Variants in DLG5 observed in about 807,000 individuals in gnomAD.
The protein encoded by DLG5 is disks large homolog 5.
In DLG5, 48 loss-of-function variants were observed where a neutral mutation model predicts 189.8. That is an observed-to-expected ratio of 0.25 (90% CI 0.20 to 0.32). The LOEUF is 0.32. DLG5 is among the 10% of genes least tolerant of loss of function. DLG5 has a pLI of 1.00. For missense variants in DLG5, 2,160 were observed against 2,544.7 expected (o/e 0.85, Z 3.25); for synonymous variants, 1,016 against 1,054.1 (o/e 0.96, Z 0.70).
chr10:77,833,698 C>T (rs1842984393), intron 9 of DLG5, among the ~76,000 whole-genome samples: 1 of 152,198 alleles, frequency 6.6e-6, no homozygotes, highest in Non-Finnish European at 1.5e-5. Context: ...AATTTTTGGC[C>T]TAAGAATTTC....
intron 26 of DLG5, chr10:77,806,310 A>C: frequency 4.4e-6 from 1 of 226,524 alleles, no homozygotes; most frequent in Non-Finnish European, 8.7e-6. Context: ...TATCAAAAGT[A>C]AAGTAGTGGC....
At chr10:77,825,170 A>G (rs573689903) in intron 13 of DLG5, among the ~76,000 whole-genome samples, 25 of 152,288 alleles carry the variant, frequency 1.6e-4, no homozygotes, top group African/African-American at 6.0e-4. Flanking sequence ...CACATACTAT[A>G]TGATTCCATG....
intron 7 of DLG5, among the ~76,000 whole-genome samples, chr10:77,838,477 G>A (rs555097083): frequency 6.6e-6 from 1 of 152,270 alleles, no homozygotes; most frequent in South Asian, 2.1e-4. Context: ...AGAAGAAGGC[G>A]AGGGAGGCAA....
rs1844539343 is a variant in DLG5, at chr10:77,863,148, G to T, written c.373+5981C>A. ...GCTCTGTCACCCAGGCTAGAGTGCA[G>T]TGACACAATCAAGGCTCACTACAAC... On this transcript the variant is annotated intron_variant, in intron 2 of 31. Transcript: ENST00000372391. Among the ~76,000 whole-genome samples, 4 of 152,202 alleles carry T rather than the reference G, an allele frequency of 2.6e-5. No homozygotes were observed. The South Asian group carries it at 8.3e-4, about 32-fold the overall frequency.
Position 77,853,341 on chromosome 10 carries a change from G to T in DLG5, c.864+13C>A. 1 of 1,501,262 alleles carries T rather than the reference G, an allele frequency of 6.7e-7. No individual in the cohort carries two copies. Among genetic ancestry groups the T allele is most frequent in the Admixed American group, 2.0e-5 (1 of 49,028 alleles). 93.0% of individuals were successfully genotyped at this position (1,501,262 alleles called of 1,614,324 possible). A position where few individuals can be genotyped will look rare whatever the true frequency, so the allele number is the denominator to read the frequency against. ...CTTGGGAGAAATGGCCAGTCTCCAG[G>T]GGCTGGGCCTACCTGCTGCTGCTGG... On this transcript the variant is annotated intron_variant, in intron 5 of 31. Coordinates refer to ENST00000372391, the MANE Select transcript of DLG5 (RefSeq NM_004747.4).
At position 77,829,327 on chromosome 10, in the gene DLG5, C is replaced by T. The variant is rs1174770493; in HGVS notation, c.2185+28G>A. ...AAAAAAGGGCCCCAGCCACCTGAGG[C>T]ACTCTGCCATGTTCACAGGCCCGCT... On this transcript the variant is annotated intron_variant, in intron 12 of 31. Transcript: ENST00000372391. The T allele has an allele frequency of 1.9e-6, 3 of 1,612,666 alleles. No homozygotes were observed. In the South Asian group the frequency reaches 3.3e-5, roughly 18 times the overall value.
At chr10:77,842,723 C>T (rs993234498) in intron 6 of DLG5, among the ~76,000 whole-genome samples, 6 of 152,184 alleles carry the variant, frequency 3.9e-5, no homozygotes, top group African/African-American at 9.7e-5. Flanking sequence ...CCATAGACAC[C>T]GGTTCTGCAT....
intron 1 of DLG5, among the ~76,000 whole-genome samples, chr10:77,911,289 T>G (rs1340170349): frequency 3.9e-5 from 6 of 151,918 alleles, no homozygotes; most frequent in Admixed American, 6.6e-5. Flanking sequence ...CACAGCTAAT[T>G]TTTGTATTTT....
intron 9 of DLG5, 105 bp from the exon 10 acceptor site, chr10:77,830,978 G>A: frequency 1.5e-6 from 2 of 1,353,520 alleles, no homozygotes; most frequent in Non-Finnish European, 2.0e-6. Context: ...CAGCTAAAAT[G>A]GGTTCCTTTC....
At chr10:77,816,325 T>C (rs747166730) in intron 20 of DLG5, 1 of 710,464 alleles carries the variant, frequency 1.4e-6, no homozygotes, top group Non-Finnish European at 2.5e-6. Context: ...ATTTCCAGCA[T>C]CATCTACTGT....
chr10:77,798,156 C>A (rs1439757538), intron 27 of DLG5, among the ~76,000 whole-genome samples: 1 of 152,190 alleles, frequency 6.6e-6, no homozygotes, highest in African/African-American at 2.4e-5. Flanking sequence ...CACTGTACTC[C>A]AGCCTGGGCA....
rs7913080 is a variant in DLG5 at position 77,909,132 on chromosome 10, T to C, written c.304+17085A>G. 3.0e-3 allele frequency among the ~76,000 whole-genome samples: 462 copies of C among 152,290 alleles called. 5 individuals carry two copies. The highest frequency in any genetic ancestry group is 0.01 in the African/African-American group (436 of 41,556). On this transcript the variant is annotated intron_variant, in intron 1 of 31. Transcript: ENST00000372391. ...AGTGACCAGGTACTTGCTGGAGAGA[T>C]AGACAGATAAACTCTTGTCAGAATC...
At chr10:77,847,768 G>A (rs1843765184) in intron 5 of DLG5, among the ~76,000 whole-genome samples, 7 of 152,072 alleles carry the variant, frequency 4.6e-5, no homozygotes. Context: ...TAAAATTAAA[G>A]TGATCACAGT....
At chr10:77,871,102 T>A (rs182601390) in intron 1 of DLG5, among the ~76,000 whole-genome samples, 5 of 152,314 alleles carry the variant, frequency 3.3e-5, no homozygotes, top group Non-Finnish European at 7.3e-5. Flanking sequence ...GCGTTGAGCA[T>A]GGGCTGAAGA....
intron 13 of DLG5, among the ~76,000 whole-genome samples, chr10:77,825,144 G>A (rs1381407985): frequency 6.6e-6 from 1 of 152,050 alleles, no homozygotes; most frequent in Non-Finnish European, 1.5e-5. Flanking sequence ...AATCAAAACA[G>A]CCCAGCTCCA....
the DLG5 span, among the ~76,000 whole-genome samples, chr10:77,937,101 A>G: frequency 1.3e-5 from 2 of 152,064 alleles, no homozygotes; most frequent in Admixed American, 6.5e-5. Context: ...CAATTCCTCA[A>G]GAATATTCAC....
intron 2 of DLG5, among the ~76,000 whole-genome samples, chr10:77,865,724 C>A (rs11815015): frequency 3.6e-4 from 55 of 152,032 alleles, no homozygotes; most frequent in African/African-American, 1.2e-3. Flanking sequence ...CAACAACAGG[C>A]GCAGGAAGCG....
chr10:77,813,823 G>T (rs77516525), intron 20 of DLG5, among the ~76,000 whole-genome samples: 4,626 of 152,276 alleles, frequency 0.03, 233 homozygotes, highest in African/African-American at 0.11. Flanking sequence ...CACACCACGG[G>T]GTGGGGAGGC....
intron 25 of DLG5, 47 bp downstream of exon 25, chr10:77,807,749 C>T: frequency 6.3e-7 from 1 of 1,595,832 alleles, no homozygotes; most frequent in Non-Finnish European, 8.6e-7. Context: ...CAGTGAAAGC[C>T]TCTCCTCTGG....
Sources: allele counts gnomAD v4.1 joint callset (sites outside exome capture counted in the v4.1 genomes callset), GRCh38; gene constraint gnomAD v4.1.1; transcripts MANE v1.5; gene names NCBI Gene and HGNC (gene_info 2026-07-23, HGNC 2026-07-21).